YTHDF2: variants seen among roughly 807,000 people sequenced by gnomAD.
The protein encoded by YTHDF2 is YTH N6-methyladenosine RNA binding protein F2, also known as YTH domain-containing family protein 2.
A neutral mutation model predicts 50.4 loss-of-function variants in YTHDF2; 2 were observed. The ratio of observed to expected loss-of-function variants is 0.04; its 90% CI spans 0.02 to 0.12. The LOEUF is 0.12. Among genes scored for constraint, YTHDF2 ranks in the 10% least tolerant of loss-of-function variants. The probability of loss-of-function intolerance (pLI) is 1.00; values close to 1 mark genes in which losing one functional copy is unlikely to be tolerated. For synonymous variants in YTHDF2, 217 were observed against 255.6 expected (o/e 0.85, Z 1.44); for missense variants, 483 against 722.6 (o/e 0.67, Z 3.80).
chr1:28,765,698 C>G (rs1271309444), intron 4 of YTHDF2, among the ~76,000 whole-genome samples: 1 of 152,210 alleles, frequency 6.6e-6, no homozygotes, highest in Non-Finnish European at 1.5e-5. Flanking sequence ...AGCACGTCCC[C>G]TGCCTCAGCC....
chr1:28,745,484 A>G (rs1480504171), intron 4 of YTHDF2, among the ~76,000 whole-genome samples: 2 of 152,220 alleles, frequency 1.3e-5, no homozygotes, highest in Non-Finnish European at 2.9e-5. Context: ...CTATAATCCC[A>G]GCACTTTGGG....
At chr1:28,761,866 A>T (rs1483566873) in intron 4 of YTHDF2, among the ~76,000 whole-genome samples, 1 of 152,212 alleles carries the variant, frequency 6.6e-6, no homozygotes, top group Non-Finnish European at 1.5e-5. Context: ...AAAATATTAT[A>T]GCCTTGCTTT....
intron 3 of YTHDF2, among the ~76,000 whole-genome samples, chr1:28,739,940 C>T (rs1557538642): frequency 6.6e-6 from 1 of 152,112 alleles, no homozygotes; most frequent in African/African-American, 2.4e-5. Flanking sequence ...CCAAAATGCC[C>T]TGAAAGGTCA....
intron 3 of YTHDF2, 56 bp downstream of exon 3, chr1:28,738,394 G>T (rs2087727714): frequency 1.5e-6 from 2 of 1,354,320 alleles, no homozygotes; most frequent in Admixed American, 4.2e-5. Context: ...TTCTTTCTCC[G>T]CCTTCTACCA....
At chr1:28,741,801 T>C (rs1181808822) in intron 3 of YTHDF2, among the ~76,000 whole-genome samples, 2 of 152,202 alleles carry the variant, frequency 1.3e-5, no homozygotes, top group African/African-American at 4.8e-5. Context: ...CTTTTTGTTA[T>C]TCTTGTTTTA....
intron 3 of YTHDF2, 98 bp downstream of exon 3, chr1:28,738,436 T>A: frequency 2.6e-6 from 3 of 1,140,006 alleles, no homozygotes; most frequent in Non-Finnish European, 3.8e-6. Context: ...TTCATTTTTT[T>A]TTCTTTTTTC....
At chr1:28,762,158 T>C (rs1022738935) in intron 4 of YTHDF2, among the ~76,000 whole-genome samples, 29 of 152,242 alleles carry the variant, frequency 1.9e-4, no homozygotes, top group Middle Eastern at 6.8e-3. Context: ...TTTGGGAGGC[T>C]GAGGCGGGCG....
intron 4 of YTHDF2, among the ~76,000 whole-genome samples, chr1:28,746,020 C>T (rs1159939538): frequency 6.6e-6 from 1 of 152,082 alleles, no homozygotes; most frequent in African/African-American, 2.4e-5. Context: ...GCAGGGGCAA[C>T]AGAGTGAGAC....
chr1:28,742,779 C>G lies in YTHDF2; in HGVS notation c.509C>G (p.Ala170Gly), dbSNP rs753436207. ...GGAGCCATGATTGATGGACAGTCAG[C>G]TTTTGCCAATGAGACCCTCAATAAG... ...LGGAMIDGQS[A>G]FANETLNKAP... Residue 170 changes from alanine to glycine, a missense_variant, in exon 4 of 5, where the codon GCT becomes GGT. Physicochemically the swap from Ala to Gly is moderately conservative, Grantham distance 60. This residue lies in a region of YTHDF2 where 385 missense variants were observed against 475.8 expected (regional missense o/e 0.81). Coordinates refer to ENST00000373812, the MANE Select transcript of YTHDF2 (RefSeq NM_016258.3). The G allele has an allele frequency of 9.3e-6, 15 of 1,614,178 alleles. No homozygotes were observed. The highest frequency in any genetic ancestry group is 1.3e-5 in the Non-Finnish European group (15 of 1,180,038).
At chr1:28,741,555 A>G (rs577039363) in intron 3 of YTHDF2, among the ~76,000 whole-genome samples, 9 of 152,170 alleles carry the variant, frequency 5.9e-5, no homozygotes, top group Admixed American at 2.6e-4. Context: ...CTGTCTCCCA[A>G]AGTTCTGGGA....
intron 4 of YTHDF2, among the ~76,000 whole-genome samples, chr1:28,745,395 C>G (rs2087841739): frequency 6.6e-6 from 1 of 152,152 alleles, no homozygotes; most frequent in African/African-American, 2.4e-5. Context: ...TTTGATAGTC[C>G]TTTAAACTCC....
At chr1:28,756,038 T>C (rs2088031380) in intron 4 of YTHDF2, among the ~76,000 whole-genome samples, 1 of 152,188 alleles carries the variant, frequency 6.6e-6, no homozygotes, top group African/African-American at 2.4e-5. Context: ...GTTGCTTTGC[T>C]ATTAGAGACT....
At chr1:28,736,700 TGGGGGCGGG>T (rs562439702), upstream of YTHDF2, 47 of 222,564 alleles carry the variant, frequency 2.1e-4, no homozygotes, top group East Asian at 3.2e-3. Context: ...CCTGGGGCGG[TGGGGGCGGG>T]GAGGCCGTGA....
At chr1:28,737,841 C>G (rs2087719050) in intron 2 of YTHDF2, 159 bp downstream of exon 2, 1 of 819,760 alleles carries the variant, frequency 1.2e-6, no homozygotes, top group Admixed American at 2.8e-5. Flanking sequence ...TGTGTTCTTG[C>G]AGCTGGCGAA....
chr1:28,751,090 C>CAAAAAAAAAA (rs56916547), intron 4 of YTHDF2, among the ~76,000 whole-genome samples: 3,575 of 33,464 alleles, frequency 0.11, 893 homozygotes, highest in African/African-American at 0.22. Flanking sequence ...GAGACTGTCT[C>CAAAAAAAAAA]AAAAAAAAAA....
intron 1 of YTHDF2, chr1:28,737,393 T>G (rs1422230097): frequency 6.3e-6 from 4 of 630,284 alleles, no homozygotes; most frequent in Non-Finnish European, 5.2e-6. Context: ...CGGGCCTCGT[T>G]TTCCTTCCTT....
intron 4 of YTHDF2, among the ~76,000 whole-genome samples, chr1:28,745,809 G>A (rs918860109): frequency 2.3e-4 from 34 of 149,190 alleles, no homozygotes; most frequent in African/African-American, 8.4e-4. Context: ...GGAGGACGAG[G>A]CAGGAGGATT....
intron 3 of YTHDF2, 70 bp downstream of exon 3, chr1:28,738,408 A>C (rs2087727894): frequency 1.6e-6 from 2 of 1,286,148 alleles, no homozygotes; most frequent in East Asian, 4.7e-5. Flanking sequence ...TCTACCAATA[A>C]ATCCCATTTT....
intron 4 of YTHDF2, among the ~76,000 whole-genome samples, chr1:28,744,360 G>A (rs563103534): frequency 6.5e-4 from 99 of 152,288 alleles, no homozygotes; most frequent in African/African-American, 2.3e-3. Flanking sequence ...GAGAAAAATC[G>A]AAATGTTCTC....
Sources: allele counts gnomAD v4.1 joint callset (sites outside exome capture counted in the v4.1 genomes callset), GRCh38; gene constraint gnomAD v4.1.1; regional missense constraint gnomAD v4.1.1; transcripts MANE v1.5; gene names NCBI Gene and HGNC (gene_info 2026-07-23, HGNC 2026-07-21).